KIRREL3: variants seen among roughly 807,000 people sequenced by gnomAD.
The protein encoded by KIRREL3 is kin of IRRE-like protein 3.
Under a neutral mutation model 89.7 loss-of-function variants are expected in KIRREL3, and 36 were observed. The observed-to-expected ratio is 0.40, with a 90% confidence interval of 0.31 to 0.53. The LOEUF (loss-of-function observed/expected upper bound fraction) is 0.53, where lower values mean the gene tolerates loss of function less well. Among genes scored for constraint, KIRREL3 ranks in the 20% least tolerant of loss-of-function variants. The probability of loss-of-function intolerance (pLI) is 0.49; values close to 1 mark genes in which losing one functional copy is unlikely to be tolerated. For synonymous variants in KIRREL3, 445 were observed against 441.4 expected, an observed-to-expected ratio of 1.01 and a Z score of -0.10; for missense variants, 864 against 1,056.6, an observed-to-expected ratio of 0.82 and a Z score of 2.53.
chr11:126,998,122 C>T (rs1417050830), intron 1 of KIRREL3, among the ~76,000 whole-genome samples: 4 of 152,176 alleles, frequency 2.6e-5, no homozygotes, highest in African/African-American at 9.7e-5. Context: ...TTGATGAATG[C>T]ATGACACTGG....
intron 11 of KIRREL3, among the ~76,000 whole-genome samples, chr11:126,439,757 G>A (rs1362277839): frequency 6.6e-6 from 1 of 151,804 alleles, no homozygotes; most frequent in African/African-American, 2.4e-5. Flanking sequence ...GGTGGAGGTT[G>A]CAGTGAGCCG....
In KIRREL3 at chr11:126,768,256, A is replaced by G. The variant is rs1235939554; in HGVS notation, c.56-205344T>C. 6.7e-6 allele frequency among the ~76,000 whole-genome samples: 1 copy of G among 149,848 alleles called. No homozygotes were observed. Among genetic ancestry groups the G allele is most frequent in the Non-Finnish European group, 1.5e-5 (1 of 67,892 alleles). ...TGTCCATCTGTCCATCCATACATGC[A>G]TCCACCCATCCATCCATCCATTCAT... is the stretch of plus-strand genomic sequence containing the variant. On this transcript the variant is annotated intron_variant, in intron 1 of 16. Transcript: ENST00000525144. The surrounding 1 kb of genome is among the most constrained non-coding windows in gnomAD (Gnocchi z 4.5).
At position 126,666,485 on chromosome 11, in the gene KIRREL3, A is replaced by G. The variant is rs7102953; in HGVS notation, c.56-103573T>C. Among the ~76,000 whole-genome samples, 46,966 of 152,148 alleles carry G rather than the reference A, an allele frequency of 0.31. 7,508 individuals are homozygous for G. The highest frequency in any genetic ancestry group is 0.4 in the Admixed American group (6,063 of 15,294). ...CCTTCTAAGGGTTTACCAAGAAGGG[A>G]CAAATCTAATGATAAGAAAGTTACA... On this transcript the variant is annotated intron_variant, in intron 1 of 16. Coordinates refer to ENST00000525144, the MANE Select transcript of KIRREL3 (RefSeq NM_032531.4). The surrounding 1 kb of genome is among the most constrained non-coding windows in gnomAD (Gnocchi z 4.2).
chr11:126,437,220 G>C (rs1166147308), intron 11 of KIRREL3, among the ~76,000 whole-genome samples: 1 of 151,984 alleles, frequency 6.6e-6, no homozygotes, highest in Non-Finnish European at 1.5e-5. Flanking sequence ...ACCACACATG[G>C]GCATGCACAG....
In KIRREL3 at chr11:126,489,514, C is replaced by G. The variant is rs953354448; in HGVS notation, c.434-16048G>C. Among the ~76,000 whole-genome samples the G allele has an allele frequency of 2.0e-5, 3 of 152,152 alleles. No individual in the cohort carries two copies. Among genetic ancestry groups the G allele is most frequent in the Non-Finnish European group, 4.4e-5 (3 of 68,024 alleles). ...GCTTCCTGATGGCCCTATTGTTACT[C>G]CATCTTGGATTCCTGGGTCAATTTT... On this transcript the variant is annotated intron_variant, in intron 4 of 16. Transcript: ENST00000525144. This position sits in a 1 kb window ranked among gnomAD's most constrained non-coding sequence, Gnocchi z 5.5.
chr11:126,794,753 T>A (rs1950750723), intron 1 of KIRREL3, among the ~76,000 whole-genome samples: 1 of 152,190 alleles, frequency 6.6e-6, no homozygotes, highest in African/African-American at 2.4e-5. Flanking sequence ...TAGGTATTTA[T>A]CCAAAGGAGT....
rs557587685 is a variant in KIRREL3, at chr11:126,908,547, C to T, written c.55+91908G>A. Among the ~76,000 whole-genome samples the T allele has an allele frequency of 3.9e-5, 6 of 152,170 alleles. No individual in the cohort carries two copies. The highest frequency in any genetic ancestry group is 8.8e-5 in the Non-Finnish European group (6 of 68,040). ...TAATTATTATATAAAATACCTAGAA[C>T]AGGGCAGGGCATAGGGTAAACGTTC... On this transcript the variant is annotated intron_variant, in intron 1 of 16. Coordinates refer to ENST00000525144, the MANE Select transcript of KIRREL3 (RefSeq NM_032531.4). This position sits in a 1 kb window ranked among gnomAD's most constrained non-coding sequence, Gnocchi z 4.2.
At position 126,449,051 on chromosome 11, in the gene KIRREL3, C is replaced by T. The variant is rs769678906; in HGVS notation, c.955G>A (p.Ala319Thr). ...SEPVSCEVTN[A>T]LGSTNLSRTV... ...CGGCTGAGGTTGGTGCTGCCCAGGG[C>T]GTTGGTCACCTCACAGGAGACGGGC... is the stretch of plus-strand genomic sequence containing the variant. The change falls in exon 8 of 17, where the codon GCC becomes ACC. Residue 319 changes from alanine to threonine, a missense_variant. By Grantham distance (58) the Ala-to-Thr change is moderately conservative. Coordinates refer to ENST00000525144, the MANE Select transcript of KIRREL3 (RefSeq NM_032531.4). 129 of 1,613,636 alleles carry T rather than the reference C, an allele frequency of 8.0e-5. No individual in the cohort carries two copies. The highest frequency in any genetic ancestry group is 1.6e-4 in the East Asian group (7 of 44,876).
At chr11:126,986,804 C>T (rs1949879990) in intron 1 of KIRREL3, among the ~76,000 whole-genome samples, 1 of 152,222 alleles carries the variant, frequency 6.6e-6, no homozygotes, top group Non-Finnish European at 1.5e-5. Context: ...TCCCACGAGT[C>T]ACCTTAAATT....
chr11:126,583,173 T>C (rs935390117), intron 1 of KIRREL3, among the ~76,000 whole-genome samples: 3 of 152,186 alleles, frequency 2.0e-5, no homozygotes, highest in Admixed American at 2.0e-4. Flanking sequence ...CCATGTCAGA[T>C]GTGGTCCTGG....
Position 126,463,442 on chromosome 11 carries a change from G to C in KIRREL3, c.592-135C>G. On this transcript the variant is annotated intron_variant, in intron 5 of 16. Transcript: ENST00000525144. The surrounding 1 kb of genome is among the most constrained non-coding windows in gnomAD (Gnocchi z 5.9). ...TGGAGGGGTTCAGCTTAGGAGACCT[G>C]GGCTGCCCATGTCTACGCAGAGCTC... is the stretch of plus-strand genomic sequence containing the variant. The C allele has an allele frequency of 1.1e-6, 1 of 884,528 alleles. No homozygotes were observed. The highest frequency in any genetic ancestry group is 1.8e-5 in the South Asian group (1 of 55,148). The allele number at this position is 884,528 out of a possible 1,614,324, so 54.8% of individuals were successfully genotyped here. A position where few individuals can be genotyped will look rare whatever the true frequency, so the allele number is the denominator to read the frequency against.
In KIRREL3 at chr11:126,918,368, T is replaced by C. The variant is rs1379120937; in HGVS notation, c.55+82087A>G. Among the ~76,000 whole-genome samples the C allele has an allele frequency of 6.6e-6, 1 of 152,218 alleles. No individual in the cohort carries two copies. The highest frequency in any genetic ancestry group is 1.5e-5 in the Non-Finnish European group (1 of 68,036). On this transcript the variant is annotated intron_variant, in intron 1 of 16. Coordinates refer to ENST00000525144, the MANE Select transcript of KIRREL3 (RefSeq NM_032531.4). The surrounding 1 kb of genome is among the most constrained non-coding windows in gnomAD (Gnocchi z 6.5). ...TCCCCCTGCATTTATTTTGGCAATT[T>C]GGTGCCGAATATTTACGACAGTGCT...
At chr11:126,851,314 A>G (rs187418352) in intron 1 of KIRREL3, among the ~76,000 whole-genome samples, 159 of 152,318 alleles carry the variant, frequency 1.0e-3, no homozygotes, top group African/African-American at 3.7e-3. Flanking sequence ...TCAGAGCATC[A>G]CTTGTACACT....
chr11:126,910,975 T>A (rs1946792591), intron 1 of KIRREL3, among the ~76,000 whole-genome samples: 2 of 152,126 alleles, frequency 1.3e-5, no homozygotes, highest in South Asian at 4.1e-4. Flanking sequence ...GAAGGAAAGG[T>A]GGGCTTTATA....
chr11:126,863,470 TG>T (rs1944792339), intron 1 of KIRREL3, among the ~76,000 whole-genome samples: 1 of 104,632 alleles, frequency 9.6e-6, no homozygotes, highest in African/African-American at 3.9e-5. Flanking sequence ...TGCGTGTGTG[TG>T]TGAGTGCGTG....
intron 1 of KIRREL3, chr11:126,937,116 A>G (rs1372553426): frequency 6.6e-6 from 1 of 152,142 alleles, no homozygotes; most frequent in Non-Finnish European, 1.5e-5. Context: ...AAGCAGAGAC[A>G]ATTGAAGCCA....
chr11:126,631,127 TCATTC>T (rs1241568556), intron 1 of KIRREL3, among the ~76,000 whole-genome samples: 930 of 22,762 alleles, frequency 0.041, 15 homozygotes, highest in African/African-American at 0.1. Context: ...ATGTATGTAT[TCATTC>T]ATTCATTCAT....
rs1465067761 is a variant in KIRREL3, at chr11:126,645,422, A to G, written c.56-82510T>C. On this transcript the variant is annotated intron_variant, in intron 1 of 16. Transcript: ENST00000525144. This position sits in a 1 kb window ranked among gnomAD's most constrained non-coding sequence, Gnocchi z 4.9. ...CGTGAGCCATTTGAGGGCAGAGACC[A>G]GACCATCTCCGCAGCCTCTCAGGCT... 6.6e-6 allele frequency among the ~76,000 whole-genome samples: 1 copy of G among 152,190 alleles called. No individual in the cohort carries two copies. The highest frequency in any genetic ancestry group is 1.5e-5 in the Non-Finnish European group (1 of 68,042).
intron 1 of KIRREL3, among the ~76,000 whole-genome samples, chr11:126,583,899 C>T (rs1203514281): frequency 6.6e-6 from 1 of 152,208 alleles, no homozygotes; most frequent in Non-Finnish European, 1.5e-5. Context: ...GTGGAGGCTG[C>T]TGGTGGCTGC....
Sources: gnomAD v4.1 joint callset for allele counts (sites outside exome capture counted in the v4.1 genomes callset) on GRCh38, gnomAD v4.1.1 for gene constraint, Gnocchi (gnomAD v3.1) non-coding constraint, MANE v1.5 for transcripts, NCBI Gene and HGNC (gene_info 2026-07-23, HGNC 2026-07-21) for gene names.